The following ANXA10 variants were observed in gnomAD, a reference collection of about 807,000 sequenced individuals.
ANXA10 encodes annexin 14.
Under a neutral mutation model 53.5 loss-of-function variants are expected in ANXA10, and 49 were observed. The observed-to-expected ratio is 0.92, with a 90% confidence interval of 0.73 to 1.16. ANXA10 has a LOEUF of 1.16. Among genes scored for constraint, ANXA10 ranks in the 50% most tolerant of loss-of-function variants. The pLI is 0.00. For missense variants in ANXA10, 393 were observed against 394.4 expected (o/e 1.00, Z 0.03); for synonymous variants, 131 against 128.9 (o/e 1.02, Z -0.11).
intron 1 of ANXA10, among the ~76,000 whole-genome samples, chr4:168,101,566 G>C (rs1312119614): frequency 6.6e-6 from 1 of 151,778 alleles, no homozygotes; most frequent in Non-Finnish European, 1.5e-5. Context: ...ATCTAATCTT[G>C]TATTTTTTCT....
chr4:168,174,174 G>C (rs1044415347), intron 6 of ANXA10, among the ~76,000 whole-genome samples: 2 of 152,120 alleles, frequency 1.3e-5, no homozygotes, highest in African/African-American at 4.8e-5. Flanking sequence ...AGTGTGAATA[G>C]AGCTGTAGCC....
chr4:168,156,078 AT>A (rs1731653186), intron 3 of ANXA10, among the ~76,000 whole-genome samples: 1 of 70,476 alleles, frequency 1.4e-5, no homozygotes, highest in African/African-American at 6.0e-5. Context: ...TATTATATAT[AT>A]TATATATAAT....
intron 3 of ANXA10, among the ~76,000 whole-genome samples, chr4:168,161,136 T>C (rs1731776050): frequency 6.6e-6 from 1 of 152,210 alleles, no homozygotes; most frequent in Non-Finnish European, 1.5e-5. Flanking sequence ...TATTTGCCTG[T>C]GCCTATGTCC....
intron 10 of ANXA10, among the ~76,000 whole-genome samples, chr4:168,184,028 T>A (rs1732312858): frequency 6.6e-6 from 1 of 152,190 alleles, no homozygotes; most frequent in Non-Finnish European, 1.5e-5. Context: ...GGCAAATATT[T>A]GAATCACCTA....
chr4:168,141,682 A>G (rs892447526), intron 3 of ANXA10, among the ~76,000 whole-genome samples: 2 of 152,118 alleles, frequency 1.3e-5, no homozygotes, highest in Admixed American at 1.3e-4. Flanking sequence ...CAGAGAGTTT[A>G]TTTAAAGAGA....
At chr4:168,105,942 G>T (rs1235860330) in intron 1 of ANXA10, among the ~76,000 whole-genome samples, 1 of 151,870 alleles carries the variant, frequency 6.6e-6, no homozygotes, top group Non-Finnish European at 1.5e-5. Context: ...CATGTCCTTT[G>T]CCCACTTTTT....
chr4:168,181,156 C>A (rs1396626749), intron 9 of ANXA10, among the ~76,000 whole-genome samples: 1 of 151,962 alleles, frequency 6.6e-6, no homozygotes, highest in Admixed American at 6.6e-5. Context: ...CTTTGGGAGG[C>A]AGAGGCGGGC....
chr4:168,181,772 C>A (rs759339922), intron 10 of ANXA10, 31 bp downstream of exon 10: 1 of 1,402,588 alleles, frequency 7.1e-7, no homozygotes, highest in Non-Finnish European at 9.9e-7. Flanking sequence ...TAAAATTTCT[C>A]CAGAAATTGT....
intron 2 of ANXA10, 71 bp from the exon 3 acceptor site, chr4:168,139,415 C>T (rs979122912): frequency 2.0e-5 from 25 of 1,281,486 alleles, no homozygotes; most frequent in South Asian, 3.8e-5. Flanking sequence ...TGGTTATGAT[C>T]GTTAGATAAA....
chr4:168,181,020 G>T (rs1481624226), intron 9 of ANXA10, among the ~76,000 whole-genome samples: 2 of 152,080 alleles, frequency 1.3e-5, no homozygotes, highest in African/African-American at 4.8e-5. Flanking sequence ...TAGATGAACA[G>T]ATTACATGGG....
intron 1 of ANXA10, among the ~76,000 whole-genome samples, chr4:168,110,726 C>A (rs1369633291): frequency 2.6e-5 from 4 of 151,900 alleles, no homozygotes; most frequent in Non-Finnish European, 4.4e-5. Flanking sequence ...TGTCTAGCTG[C>A]AAACTGGCTT....
At chr4:168,178,654 G>A (rs1198650903) in intron 8 of ANXA10, among the ~76,000 whole-genome samples, 1 of 152,106 alleles carries the variant, frequency 6.6e-6, no homozygotes, top group Non-Finnish European at 1.5e-5. Flanking sequence ...AAGAATGGAT[G>A]AGAACTAAAG....
At chr4:168,182,625 G>C (rs572628447) in intron 10 of ANXA10, among the ~76,000 whole-genome samples, 223 of 148,210 alleles carry the variant, frequency 1.5e-3, no homozygotes, top group African/African-American at 5.2e-3. Context: ...GAGCCACCGC[G>C]CCCGGCCTGG....
At chr4:168,151,843 T>C (rs2149474320) in intron 3 of ANXA10, among the ~76,000 whole-genome samples, 2 of 152,330 alleles carry the variant, frequency 1.3e-5, no homozygotes, top group East Asian at 3.9e-4. Flanking sequence ...GTAATTTAAT[T>C]GTAATTCCTG....
chr4:168,117,946 C>T (rs1730921455), intron 1 of ANXA10, among the ~76,000 whole-genome samples: 1 of 151,762 alleles, frequency 6.6e-6, no homozygotes. Flanking sequence ...CTCCCTCCCT[C>T]CCTCACACTG....
intron 1 of ANXA10, among the ~76,000 whole-genome samples, chr4:168,102,120 A>T (rs1185546086): frequency 6.6e-6 from 1 of 152,094 alleles, no homozygotes; most frequent in Non-Finnish European, 1.5e-5. Flanking sequence ...AGTTCAGTCA[A>T]AACACTATTT....
chr4:168,155,902 ATC>A (rs1731640452), intron 3 of ANXA10, among the ~76,000 whole-genome samples: 1 of 30,970 alleles, frequency 3.2e-5, no homozygotes, highest in Non-Finnish European at 5.4e-5. Context: ...TATATGATAT[ATC>A]ATATATTATA....
chr4:168,093,190 CTCGATATTTACT>C (rs1433907376), intron 1 of ANXA10, among the ~76,000 whole-genome samples: 1 of 151,994 alleles, frequency 6.6e-6, no homozygotes, highest in East Asian at 1.9e-4. Context: ...GATTTTTTAT[CTCGATATTTACT>C]TCTATCTATA....
At chr4:168,156,929 C>G (rs1731695952) in intron 3 of ANXA10, among the ~76,000 whole-genome samples, 1 of 152,104 alleles carries the variant, frequency 6.6e-6, no homozygotes. Flanking sequence ...ACCTAGGATT[C>G]TCATGTCACC....
Sources: gnomAD v4.1 joint callset for allele counts (sites outside exome capture counted in the v4.1 genomes callset) on GRCh38, gnomAD v4.1.1 for gene constraint, MANE v1.5 for transcripts, NCBI Gene and HGNC (gene_info 2026-07-23, HGNC 2026-07-21) for gene names.